ROBO2: variants seen among roughly 807,000 people sequenced by gnomAD.
The protein encoded by ROBO2 is roundabout guidance receptor 2, also known as roundabout homolog 2.
ROBO2 carries 53 observed loss-of-function variants against 160.8 expected under a neutral mutation model. That is an observed-to-expected ratio of 0.33 (90% CI 0.26 to 0.41). The LOEUF (loss-of-function observed/expected upper bound fraction) is 0.41. ROBO2 is among the 10% of genes least tolerant of loss of function. The pLI, the probability that ROBO2 is intolerant of heterozygous loss-of-function variation, is 1.00. For missense variants in ROBO2, 1,577 were observed against 1,722.4 expected, an observed-to-expected ratio of 0.92 and a Z score of 1.49; for synonymous variants, 664 against 611.7, an observed-to-expected ratio of 1.09 and a Z score of -1.26.
chr3:76,323,764 T>C (rs773507196), intron 2 of ROBO2, among the ~76,000 whole-genome samples: 1 of 152,204 alleles, frequency 6.6e-6, no homozygotes, highest in Non-Finnish European at 1.5e-5. Context: ...TTCAAATTAA[T>C]TTTAAACTTT....
At chr3:77,431,019 G>T (rs1445604486) in intron 2 of ROBO2, among the ~76,000 whole-genome samples, 1 of 152,082 alleles carries the variant, frequency 6.6e-6, no homozygotes. Flanking sequence ...TATGTGATCT[G>T]CTGTAACTAT....
chr3:76,566,916 C>G (rs988455438), intron 2 of ROBO2, among the ~76,000 whole-genome samples: 2 of 152,144 alleles, frequency 1.3e-5, no homozygotes, highest in African/African-American at 2.4e-5. Context: ...CACAGAGATT[C>G]CTCCATGGGA....
intron 2 of ROBO2, among the ~76,000 whole-genome samples, chr3:77,462,163 C>A (rs536738002): frequency 3.3e-5 from 5 of 152,122 alleles, no homozygotes; most frequent in African/African-American, 1.2e-4. Flanking sequence ...TAACTGTAAG[C>A]CGCTCTCAAC....
At chr3:77,511,069 A>G (rs1250073700) in intron 5 of ROBO2, among the ~76,000 whole-genome samples, 2 of 151,972 alleles carry the variant, frequency 1.3e-5, no homozygotes, top group African/African-American at 2.4e-5. Context: ...GTGAGGGGTT[A>G]TTTTAGAGGA....
intron 2 of ROBO2, among the ~76,000 whole-genome samples, chr3:76,798,259 G>GGAAAGAAA (rs71104619): frequency 0.27 from 25,778 of 93,998 alleles, 3,968 homozygotes; most frequent in Non-Finnish European, 0.29. Context: ...AAAGAAAGAA[G>GGAAAGAAA]GAAAGAAAGA....
At chr3:76,092,189 G>T (rs2069262926) in intron 2 of ROBO2, among the ~76,000 whole-genome samples, 1 of 151,990 alleles carries the variant, frequency 6.6e-6, no homozygotes, top group East Asian at 1.9e-4. Flanking sequence ...AAGTTTATGA[G>T]GGCTTTTTGT....
chr3:77,127,570 A>T (rs2075455762), intron 2 of ROBO2, among the ~76,000 whole-genome samples: 1 of 152,194 alleles, frequency 6.6e-6, no homozygotes, highest in African/African-American at 2.4e-5. Flanking sequence ...GAATTTCTCA[A>T]AAGAAGATTT....
At chr3:77,371,417 T>C (rs1284799814) in intron 2 of ROBO2, among the ~76,000 whole-genome samples, 1 of 152,202 alleles carries the variant, frequency 6.6e-6, no homozygotes, top group Non-Finnish European at 1.5e-5. Flanking sequence ...TACATCTCTA[T>C]CTACACTAGG....
chr3:76,873,598 G>A (rs951139040), intron 2 of ROBO2, among the ~76,000 whole-genome samples: 9 of 151,756 alleles, frequency 5.9e-5, no homozygotes, highest in Non-Finnish European at 1.2e-4. Flanking sequence ...CGTTGTCGTC[G>A]TCGTAGTAGT....
At chr3:77,212,481 A>G (rs1424403079) in intron 2 of ROBO2, among the ~76,000 whole-genome samples, 1 of 152,144 alleles carries the variant, frequency 6.6e-6, no homozygotes, top group Admixed American at 6.5e-5. Context: ...TGGGGCTGAG[A>G]CGATGGGGTT....
intron 2 of ROBO2, among the ~76,000 whole-genome samples, chr3:76,119,887 C>T (rs180855687): frequency 0.015 from 2,072 of 135,464 alleles, 21 homozygotes; most frequent in Non-Finnish European, 0.024. Flanking sequence ...CCTTCCTTCC[C>T]TTCCCTTCCT....
In ROBO2 at chr3:76,866,520, A is replaced by C. The variant is rs184495561; in HGVS notation, c.110-231494A>C. Among the ~76,000 whole-genome samples, 673 of 152,264 alleles carry C rather than the reference A, an allele frequency of 4.4e-3. 7 individuals carry two copies. The highest frequency in any genetic ancestry group is 0.016 in the African/African-American group (647 of 41,562). On this transcript the variant is annotated intron_variant, in intron 2 of 26. Transcript: ENST00000487694. ...CAAATAGTTGGTTTTATTAATTTACATTAAACTAAAATTAATCCATTTGGG... is the reference window on the plus strand; with the variant it reads ...CAAATAGTTGGTTTTATTAATTTACCTTAAACTAAAATTAATCCATTTGGG...
intron 2 of ROBO2, among the ~76,000 whole-genome samples, chr3:76,103,445 C>T (rs1485719341): frequency 6.6e-6 from 1 of 152,184 alleles, no homozygotes; most frequent in Non-Finnish European, 1.5e-5. Flanking sequence ...TAGTTGGAGT[C>T]TGCAACGCAC....
chr3:76,272,662 A>G (rs1373768790), intron 2 of ROBO2, among the ~76,000 whole-genome samples: 2 of 72,830 alleles, frequency 2.7e-5, no homozygotes, highest in African/African-American at 3.8e-5. Context: ...GACCCTGTCT[A>G]AAATACATAC....
At chr3:76,458,167 C>G (rs1368292749) in intron 2 of ROBO2, among the ~76,000 whole-genome samples, 1 of 152,152 alleles carries the variant, frequency 6.6e-6, no homozygotes, top group East Asian at 1.9e-4. Context: ...TACACATTTT[C>G]CAAACTTTTA....
At chr3:76,999,785 C>T (rs190465320) in intron 2 of ROBO2, among the ~76,000 whole-genome samples, 11 of 152,242 alleles carry the variant, frequency 7.2e-5, no homozygotes, top group Admixed American at 4.6e-4. Flanking sequence ...CTTATTCCGC[C>T]GTGCTGATTT....
intron 1 of ROBO2, among the ~76,000 whole-genome samples, chr3:75,910,320 A>G (rs550848410): frequency 6.6e-6 from 1 of 152,314 alleles, no homozygotes; most frequent in East Asian, 1.9e-4. Flanking sequence ...ATCAACATTC[A>G]TTGCTGAAAG....
chr3:77,605,167 G>GA (rs11432494), intron 20 of ROBO2, among the ~76,000 whole-genome samples: 28,481 of 132,410 alleles, frequency 0.22, 3,343 homozygotes, highest in East Asian at 0.36. Context: ...CTGTCTCAAG[G>GA]AAAAAAAAAA....
chr3:76,567,823 T>TGG (rs1316410266), intron 2 of ROBO2, among the ~76,000 whole-genome samples: 3 of 119,514 alleles, frequency 2.5e-5, no homozygotes, highest in African/African-American at 6.3e-5. Context: ...TTTTTTTTTT[T>TGG]GGGGGGGGTT....
Sources: allele counts gnomAD v4.1 joint callset (sites outside exome capture counted in the v4.1 genomes callset), GRCh38; gene constraint gnomAD v4.1.1; transcripts MANE v1.5; gene names NCBI Gene and HGNC (gene_info 2026-07-23, HGNC 2026-07-21).